DOCK7: variants seen among roughly 807,000 people sequenced by gnomAD.
DOCK7 encodes the protein dedicator of cytokinesis 7, also known as dedicator of cytokinesis protein 7.
DOCK7 carries 138 observed loss-of-function variants against 271.0 expected under a neutral mutation model. The ratio of observed to expected loss-of-function variants is 0.51; its 90% confidence interval spans 0.44 to 0.59. The LOEUF is 0.59. Ranked by LOEUF, DOCK7 falls within the 20% of genes least tolerant of loss-of-function variation. The probability of loss-of-function intolerance (pLI) is 0.00; values close to 1 mark genes in which losing one functional copy is unlikely to be tolerated. For synonymous variants in DOCK7, 823 were observed against 876.1 expected (o/e 0.94, Z 1.07); for missense variants, 2,066 against 2,592.4 (o/e 0.80, Z 4.41).
In DOCK7 at chr1:62,618,700, T is replaced by C. The variant is rs1236657531; in HGVS notation, c.1682+6A>G. 1.2e-6 allele frequency: 2 copies of C among 1,609,638 alleles called. No homozygotes were observed. Among genetic ancestry groups the C allele is most frequent in the African/African-American group, 2.7e-5 (2 of 74,828 alleles). On this transcript the variant is annotated splice_donor_region_variant and intron_variant, in intron 14 of 49. Transcript: ENST00000635253. ...TATCAGAATTCTCCAAATTAAAATC[T>C]CTTACCTGTAAGTAGTGTTTGGAAC... is the stretch of plus-strand genomic sequence containing the variant.
chr1:62,563,863 C>CAAAA (rs71045848), intron 18 of DOCK7, among the ~76,000 whole-genome samples: 1 of 38,840 alleles, frequency 2.6e-5, no homozygotes, highest in African/African-American at 1.0e-4. Flanking sequence ...ATTTACCAAG[C>CAAAA]AAAAAAAAAA....
At chr1:62,494,543 GT>G in intron 39 of DOCK7, 76 bp from the exon 40 acceptor site, 1 of 1,387,018 alleles carries the variant, frequency 7.2e-7, no homozygotes, top group Non-Finnish European at 9.8e-7. Flanking sequence ...CTCGCTCAGA[GT>G]TTACCTAGAA....
At chr1:62,611,155 A>T (rs1239527061) in intron 14 of DOCK7, among the ~76,000 whole-genome samples, 9 of 152,218 alleles carry the variant, frequency 5.9e-5, no homozygotes, top group Non-Finnish European at 8.8e-5. Flanking sequence ...ATAGTTTTTT[A>T]ACCTGAGGCC....
At chr1:62,679,684 G>A (rs1660896579) in intron 1 of DOCK7, among the ~76,000 whole-genome samples, 2 of 152,152 alleles carry the variant, frequency 1.3e-5, no homozygotes, top group South Asian at 4.1e-4. Flanking sequence ...ATTGTTGTGA[G>A]ACTGTAAATT....
rs141065645 is a variant in DOCK7, at chr1:62,559,497, T to C, written c.2200-277A>G. On this transcript the variant is annotated intron_variant, in intron 19 of 49. Transcript: ENST00000635253. ...TTATTAGTTTGAAGTTCAATTATTG[T>C]GGCAGGCATATTAGTAACCTACTTT... 1.6e-4 allele frequency among the ~76,000 whole-genome samples: 25 copies of C among 152,224 alleles called. No homozygotes were observed. In the East Asian group the frequency reaches 4.1e-3, roughly 25 times the overall value.
intron 1 of DOCK7, among the ~76,000 whole-genome samples, chr1:62,681,517 T>C (rs1337856037): frequency 7.1e-6 from 1 of 141,756 alleles, no homozygotes. Flanking sequence ...ACATGTACCG[T>C]AGAACTTAAA....
In DOCK7 at chr1:62,660,992, A is replaced by G. The variant is rs1658596278; in HGVS notation, c.144+2033T>C. 5.3e-5 allele frequency among the ~76,000 whole-genome samples: 8 copies of G among 152,018 alleles called. No homozygotes were observed. In the South Asian group the frequency reaches 1.7e-3, roughly 32 times the overall value. ...CATGCGCATGTAGTCCCAACTACTC[A>G]GGAGGCTGATATGGGAGGATCACTT... On this transcript the variant is annotated intron_variant, in intron 2 of 49. Coordinates refer to ENST00000635253, the MANE Select transcript of DOCK7 (RefSeq NM_001367561.1).
At chr1:62,492,653 G>A in intron 41 of DOCK7, 51 bp downstream of exon 41, 2 of 1,602,046 alleles carry the variant, frequency 1.2e-6, no homozygotes, top group Non-Finnish European at 1.7e-6. Context: ...ACATGTCATT[G>A]ATAATTAGAG....
At chr1:62,661,034 G>A (rs934818430) in intron 2 of DOCK7, among the ~76,000 whole-genome samples, 1 of 151,768 alleles carries the variant, frequency 6.6e-6, no homozygotes, top group African/African-American at 2.4e-5. Flanking sequence ...GGAAGGTCAA[G>A]GCTATAGTGA....
At chr1:62,477,440 C>T (rs1235522953) in intron 44 of DOCK7, among the ~76,000 whole-genome samples, 4 of 152,012 alleles carry the variant, frequency 2.6e-5, no homozygotes, top group Admixed American at 1.3e-4. Flanking sequence ...TCCGTTAAGT[C>T]GCAGTAATTC....
intron 25 of DOCK7, among the ~76,000 whole-genome samples, chr1:62,542,267 T>C (rs1645560220): frequency 6.6e-6 from 1 of 152,154 alleles, no homozygotes; most frequent in African/African-American, 2.4e-5. Flanking sequence ...TAAAGCTCTT[T>C]CCATCTTTGG....
intron 20 of DOCK7, among the ~76,000 whole-genome samples, chr1:62,557,431 G>A (rs973400691): frequency 6.6e-6 from 1 of 151,074 alleles, no homozygotes; most frequent in African/African-American, 2.4e-5. Context: ...ATGCTAAAAT[G>A]TCTCCACTCT....
intron 10 of DOCK7, 40 bp from the exon 11 acceptor site, chr1:62,631,445 A>C: frequency 6.7e-7 from 1 of 1,502,656 alleles, no homozygotes; most frequent in Non-Finnish European, 8.9e-7. Context: ...ATTATACTTG[A>C]AAGAAATCAG....
At position 62,631,203 on chromosome 1, in the gene DOCK7, T is replaced by G. The variant is rs529566671; in HGVS notation, c.1282+37A>C. On this transcript the variant is annotated intron_variant, in intron 11 of 49. Transcript: ENST00000635253. Reference sequence around the variant, plus strand: ...CCATCTCAAAAAAAAAAGAAAAAAGTAAACATTTAGAAATGTTTTGTATGA... The same window carrying G: ...CCATCTCAAAAAAAAAAGAAAAAAGGAAACATTTAGAAATGTTTTGTATGA... 3.0e-5 allele frequency: 46 copies of G among 1,522,540 alleles called. No homozygotes were observed. In the Middle Eastern group the frequency reaches 1.1e-3, roughly 35 times the overall value. The allele number at this position is 1,522,540 out of a possible 1,614,324, so 94.3% of individuals were successfully genotyped here.
chr1:62,513,987 A>G (rs943911624), intron 31 of DOCK7, 89 bp from the exon 32 acceptor site: 8 of 1,201,586 alleles, frequency 6.7e-6, no homozygotes, highest in Non-Finnish European at 9.3e-6. Flanking sequence ...TAAAAACAAT[A>G]AAACAAAAGT....
chr1:62,558,852 G>C, intron 20 of DOCK7, 137 bp downstream of exon 20: 1 of 688,132 alleles, frequency 1.5e-6, no homozygotes, highest in South Asian at 2.3e-5. Flanking sequence ...TTATAAACAA[G>C]TAAATAACAT....
At position 62,528,098 on chromosome 1, in the gene DOCK7, A is replaced by T. The variant is rs1645067369; in HGVS notation, c.3936+53T>A. 3 of 1,554,014 alleles carry T rather than the reference A, an allele frequency of 1.9e-6. No individual in the cohort carries two copies. In the Admixed American group the frequency reaches 5.6e-5, roughly 29 times the overall value. On this transcript the variant is annotated intron_variant, in intron 31 of 49. Coordinates refer to ENST00000635253, the MANE Select transcript of DOCK7 (RefSeq NM_001367561.1). Reference sequence around the variant, plus strand: ...TCTCATATATTTAAGGGCATATCCTAGTAAATATTTGTCTTTCTAGAAAAA... The same window carrying T: ...TCTCATATATTTAAGGGCATATCCTTGTAAATATTTGTCTTTCTAGAAAAA...
intron 33 of DOCK7, chr1:62,510,939 A>C (rs1644464738): frequency 2.8e-6 from 1 of 354,278 alleles, no homozygotes; most frequent in African/African-American, 2.1e-5. Flanking sequence ...GTTTGCTTAA[A>C]ATCTTAACCA....
intron 18 of DOCK7, among the ~76,000 whole-genome samples, chr1:62,569,046 AG>A (rs1646669406): frequency 6.6e-6 from 1 of 152,164 alleles, no homozygotes; most frequent in Non-Finnish European, 1.5e-5. Flanking sequence ...TGAACCAGGA[AG>A]TTGAATCCCT....
Sources: allele counts gnomAD v4.1 joint callset (sites outside exome capture counted in the v4.1 genomes callset), GRCh38; gene constraint gnomAD v4.1.1; transcripts MANE v1.5; gene names NCBI Gene and HGNC (gene_info 2026-07-23, HGNC 2026-07-21).